GTF2F2: variants seen among roughly 807,000 people sequenced by gnomAD.
GTF2F2 encodes ATP-dependent helicase GTF2F2.
Under a neutral mutation model 42.2 loss-of-function variants are expected in GTF2F2, and 23 were observed. The observed-to-expected ratio is 0.55, with a 90% CI of 0.39 to 0.77. GTF2F2 has a LOEUF of 0.77. Ranked by LOEUF, GTF2F2 falls within the 30% of genes least tolerant of loss-of-function variation. GTF2F2 has a pLI of 0.00. For synonymous variants in GTF2F2, 105 were observed against 100.8 expected (o/e 1.04, Z -0.25); for missense variants, 261 against 287.2 (o/e 0.91, Z 0.66).
chr13:45,250,445 G>C (rs1875831223), intron 5 of GTF2F2, among the ~76,000 whole-genome samples: 1 of 152,024 alleles, frequency 6.6e-6, no homozygotes, highest in Non-Finnish European at 1.5e-5. Flanking sequence ...GCAGTCAGTT[G>C]TCCTACCATC....
At chr13:45,266,758 C>T (rs977230588) in intron 6 of GTF2F2, among the ~76,000 whole-genome samples, 9 of 152,184 alleles carry the variant, frequency 5.9e-5, no homozygotes, top group Admixed American at 2.6e-4. Context: ...CTTAAAGATA[C>T]GGGGACCCCA....
At chr13:45,233,259 T>C (rs1018017410) in intron 5 of GTF2F2, among the ~76,000 whole-genome samples, 1 of 151,914 alleles carries the variant, frequency 6.6e-6, no homozygotes, top group Non-Finnish European at 1.5e-5. Context: ...CTCTGCAATA[T>C]AAAAAAACAA....
In GTF2F2 at chr13:45,276,638, G is replaced by A. The variant is rs188753972; in HGVS notation, c.631-6804G>A. On this transcript the variant is annotated intron_variant, in intron 7 of 7. Coordinates refer to ENST00000340473, the MANE Select transcript of GTF2F2 (RefSeq NM_004128.3). ...TTTTTTTTAGTAGAGAAGGGATTTC[G>A]CCATGTTGGCCAGGCTGGTCTCGAG... Among the ~76,000 whole-genome samples the A allele has an allele frequency of 2.2e-3, 337 of 152,036 alleles. 1 individual carries two copies. The highest frequency in any genetic ancestry group is 7.8e-3 in the African/African-American group (323 of 41,482).
intron 5 of GTF2F2, among the ~76,000 whole-genome samples, chr13:45,228,281 A>ATTTTTTTTTTTT (rs1874467229): frequency 3.5e-5 from 3 of 85,684 alleles, no homozygotes; most frequent in African/African-American, 2.0e-4. Context: ...GCCAGAGTTA[A>ATTTTTTTTTTTT]TCTTTTTTTT....
intron 5 of GTF2F2, among the ~76,000 whole-genome samples, chr13:45,252,004 G>A (rs377761805): frequency 2.0e-5 from 3 of 152,158 alleles, no homozygotes; most frequent in African/African-American, 7.2e-5. Context: ...TTCTAAATAA[G>A]TAAATGATTA....
intron 4 of GTF2F2, among the ~76,000 whole-genome samples, chr13:45,161,359 AG>A (rs1157749333): frequency 1.3e-5 from 2 of 152,214 alleles, no homozygotes; most frequent in African/African-American, 4.8e-5. Flanking sequence ...CATACTTTGA[AG>A]AATGCTAATT....
At chr13:45,204,352 C>G (rs910000654) in intron 4 of GTF2F2, among the ~76,000 whole-genome samples, 1 of 152,138 alleles carries the variant, frequency 6.6e-6, no homozygotes, top group East Asian at 1.9e-4. Context: ...TGTGCTCTTG[C>G]ATTGTCTTTT....
At chr13:45,187,946 T>C (rs1213991442) in intron 4 of GTF2F2, among the ~76,000 whole-genome samples, 1 of 152,234 alleles carries the variant, frequency 6.6e-6, no homozygotes, top group Non-Finnish European at 1.5e-5. Context: ...TCTCACTCTG[T>C]TGCCCAGGCT....
intron 4 of GTF2F2, among the ~76,000 whole-genome samples, chr13:45,184,353 G>A (rs73471385): frequency 0.075 from 11,419 of 151,422 alleles, 1,112 homozygotes; most frequent in African/African-American, 0.22. Context: ...TAACATGGGT[G>A]GCGTTGATTG....
chr13:45,157,156 G>A (rs1346736163), intron 4 of GTF2F2, among the ~76,000 whole-genome samples: 1 of 152,126 alleles, frequency 6.6e-6, no homozygotes, highest in Non-Finnish European at 1.5e-5. Context: ...CCAGCTAGGA[G>A]TTTTTAAGGC....
At chr13:45,135,478 T>A (rs1869571991) in intron 1 of GTF2F2, among the ~76,000 whole-genome samples, 1 of 151,198 alleles carries the variant, frequency 6.6e-6, no homozygotes, top group South Asian at 2.1e-4. Context: ...CAGGCTGGTC[T>A]TGAACTCATG....
chr13:45,268,885 G>A (rs1162503962), intron 7 of GTF2F2, among the ~76,000 whole-genome samples: 3 of 152,228 alleles, frequency 2.0e-5, no homozygotes, highest in Non-Finnish European at 4.4e-5. Context: ...AGTATTACTA[G>A]TGTGTCTTTT....
intron 1 of GTF2F2, among the ~76,000 whole-genome samples, chr13:45,127,094 GA>G (rs1201956683): frequency 6.6e-6 from 1 of 152,128 alleles, no homozygotes; most frequent in African/African-American, 2.4e-5. Context: ...AATAGGCCGG[GA>G]CTTCTGGGAA....
rs949873741 is a variant in GTF2F2 at position 45,273,656 on chromosome 13, T to A, written c.630+6280T>A. Among the ~76,000 whole-genome samples the A allele has an allele frequency of 4.2e-5, 4 of 95,562 alleles. No individual in the cohort carries two copies. In the South Asian group the frequency reaches 8.4e-4, roughly 20 times the overall value. The allele number at this position is 95,562 out of a possible 152,430, so 62.7% of individuals were successfully genotyped here. ...CACTTGATTTTAAAGAGTGGTAAAA[T>A]TTTTTTTTTTTTTTTTGAGACGGAG... On this transcript the variant is annotated intron_variant, in intron 7 of 7. Transcript: ENST00000340473.
At chr13:45,252,831 C>T (rs775492117) in intron 5 of GTF2F2, 40 bp from the exon 6 acceptor site, 1 of 803,318 alleles carries the variant, frequency 1.2e-6, no homozygotes, top group Non-Finnish European at 2.0e-6. Context: ...TTTCACTCTG[C>T]TAAACAAGAG....
intron 4 of GTF2F2, among the ~76,000 whole-genome samples, chr13:45,163,173 C>G (rs1871117078): frequency 6.6e-6 from 1 of 152,072 alleles, no homozygotes; most frequent in Admixed American, 6.6e-5. Flanking sequence ...AAATGACAGG[C>G]TATACAAACA....
intron 5 of GTF2F2, among the ~76,000 whole-genome samples, chr13:45,239,307 ATAAGT>A (rs575744616): frequency 8.9e-4 from 135 of 152,386 alleles, no homozygotes; most frequent in African/African-American, 3.0e-3. Flanking sequence ...TGTTCTGATC[ATAAGT>A]TAAGATATTT....
chr13:45,268,727 A>G (rs1876669101), intron 7 of GTF2F2, among the ~76,000 whole-genome samples: 1 of 152,174 alleles, frequency 6.6e-6, no homozygotes. Context: ...GAAACTCTGA[A>G]AACAGACGAG....
intron 6 of GTF2F2, among the ~76,000 whole-genome samples, chr13:45,260,519 A>G (rs947715717): frequency 1.3e-5 from 2 of 152,234 alleles, no homozygotes; most frequent in South Asian, 2.1e-4. Context: ...GCTCACTTCA[A>G]AAGTTAAAAG....
Sources: allele counts gnomAD v4.1 joint callset (sites outside exome capture counted in the v4.1 genomes callset), GRCh38; gene constraint gnomAD v4.1.1; transcripts MANE v1.5; gene names NCBI Gene and HGNC (gene_info 2026-07-23, HGNC 2026-07-21).